Variants in LNPK observed in about 807,000 individuals in gnomAD.
LNPK encodes lunapark, ER junction formation factor.
Under a neutral mutation model 55.2 loss-of-function variants are expected in LNPK, and 29 were observed. That is an observed-to-expected ratio of 0.53 (90% CI 0.39 to 0.72). The LOEUF (loss-of-function observed/expected upper bound fraction) is 0.72, where lower values mean the gene tolerates loss of function less well. LNPK is among the 30% of genes least tolerant of loss of function. The pLI is 0.00. For missense variants in LNPK, 467 were observed against 494.8 expected (o/e 0.94, Z 0.53); for synonymous variants, 162 against 168.2 (o/e 0.96, Z 0.29).
Position 175,929,870 on chromosome 2 carries a change from C to A in LNPK, c.*97G>T, listed in dbSNP as rs765784257. On this transcript the variant is annotated 3_prime_UTR_variant, in exon 13 of 13. Transcript: ENST00000272748. ...TGAATTCAAATGATACACAAGCATA[C>A]CCTTAGAGGGGCAAAAAAAGTAAGT... 106 of 1,545,580 alleles carry A rather than the reference C, an allele frequency of 6.9e-5. No homozygotes were observed. The highest frequency in any genetic ancestry group is 9.6e-5 in the Admixed American group (5 of 51,978).
intron 8 of LNPK, among the ~76,000 whole-genome samples, chr2:175,957,737 G>A (rs931269759): frequency 1.3e-5 from 2 of 152,216 alleles, no homozygotes; most frequent in Non-Finnish European, 1.5e-5. Flanking sequence ...CAGACGATGA[G>A]CTGAAGCAGG....
upstream of LNPK, chr2:176,002,273 G>A (rs1372453337): frequency 2.0e-5 from 9 of 446,276 alleles, 1 homozygote; most frequent in South Asian, 6.3e-5. Flanking sequence ...GAGACAAGCC[G>A]GGCCAACTCC....
chr2:175,945,328 G>A (rs1013317277), intron 9 of LNPK, among the ~76,000 whole-genome samples: 14 of 150,350 alleles, frequency 9.3e-5, no homozygotes, highest in South Asian at 4.2e-4. Context: ...TGGCCAATAC[G>A]GCGAAACTCC....
At chr2:175,968,848 G>A (rs1171490352) in intron 6 of LNPK, among the ~76,000 whole-genome samples, 7 of 151,796 alleles carry the variant, frequency 4.6e-5, no homozygotes, top group East Asian at 1.9e-4. Context: ...GTGAAGCCCC[G>A]CCTCTACTAA....
Position 175,924,676 on chromosome 2 carries a change from G to GA in LNPK, c.*5290dup, listed in dbSNP as rs201054019. 640 of 115,806 alleles carry GA rather than the reference G, an allele frequency of 5.5e-3. 4 individuals are homozygous for GA. The highest frequency in any genetic ancestry group is 0.013 in the African/African-American group (404 of 30,276). 7.2% of individuals were successfully genotyped at this position (115,806 alleles called of 1,614,324 possible). A position where few individuals can be genotyped will look rare whatever the true frequency, so the allele number is the denominator to read the frequency against. ...AATACCTGAGGCTGGGTAATTTACTGAAAAAAAAACAAAACAAACAAAAAA... is the reference window on the plus strand; with the variant it reads ...AATACCTGAGGCTGGGTAATTTACTGAAAAAAAAAACAAAACAAACAAAAAA... On this transcript the variant is annotated 3_prime_UTR_variant, in exon 13 of 13. Coordinates refer to ENST00000272748, the MANE Select transcript of LNPK (RefSeq NM_030650.3).
rs140824548 is a variant in LNPK, at chr2:175,948,517, T to C, written c.494-825A>G. Among the ~76,000 whole-genome samples, 776 of 152,330 alleles carry C rather than the reference T, an allele frequency of 5.1e-3. 6 individuals carry two copies. The highest frequency in any genetic ancestry group is 0.018 in the African/African-American group (728 of 41,570). ...TATCTGGCTCTTTACAAAAAAAGTTTCATGACTTGTACTCAGTAACATAAA... is the reference window on the plus strand; with the variant it reads ...TATCTGGCTCTTTACAAAAAAAGTTCCATGACTTGTACTCAGTAACATAAA... On this transcript the variant is annotated intron_variant, in intron 8 of 12. Transcript: ENST00000272748.
In LNPK at chr2:175,929,532, T is replaced by C; in HGVS notation, c.*435A>G. 4 of 993,628 alleles carry C rather than the reference T, an allele frequency of 4.0e-6. No homozygotes were observed. Among genetic ancestry groups the C allele is most frequent in the Non-Finnish European group, 4.8e-6 (4 of 834,842 alleles). 61.6% of individuals were successfully genotyped at this position (993,628 alleles called of 1,614,324 possible). ...TTGTAAATATCTCAGGAGCTAAAAT[T>C]CTATCAATTTTTAATAATGAAGTAG... On this transcript the variant is annotated 3_prime_UTR_variant, in exon 13 of 13. Coordinates refer to ENST00000272748, the MANE Select transcript of LNPK (RefSeq NM_030650.3).
chr2:175,984,863 A>G (rs1286131623), intron 4 of LNPK, among the ~76,000 whole-genome samples: 2 of 152,256 alleles, frequency 1.3e-5, no homozygotes, highest in Non-Finnish European at 2.9e-5. Flanking sequence ...ACTCTTGGGC[A>G]TACACCCCAG....
intron 4 of LNPK, 37 bp from the exon 5 acceptor site, chr2:175,979,905 A>G (rs1158705590): frequency 2.0e-6 from 3 of 1,529,560 alleles, no homozygotes; most frequent in Middle Eastern, 1.8e-4. Context: ...AAAAAACATC[A>G]TTAGAAAAAG....
chr2:175,946,534 A>T (rs1264302582), intron 9 of LNPK, among the ~76,000 whole-genome samples: 1 of 152,130 alleles, frequency 6.6e-6, no homozygotes, highest in Non-Finnish European at 1.5e-5. Context: ...GAGTTTTTTT[A>T]GTCTTCTAAA....
intron 4 of LNPK, among the ~76,000 whole-genome samples, chr2:175,991,186 G>T (rs1453424157): frequency 6.6e-6 from 1 of 151,916 alleles, no homozygotes; most frequent in Non-Finnish European, 1.5e-5. Context: ...GTGCATTTTT[G>T]AGTATTTAAA....
At chr2:175,946,730 G>T (rs1406242930) in intron 9 of LNPK, among the ~76,000 whole-genome samples, 1 of 151,934 alleles carries the variant, frequency 6.6e-6, no homozygotes, top group East Asian at 1.9e-4. Flanking sequence ...ATCTACATTA[G>T]AATAATCTAA....
chr2:175,952,961 C>T (rs1685496413), intron 8 of LNPK, among the ~76,000 whole-genome samples: 1 of 152,088 alleles, frequency 6.6e-6, no homozygotes, highest in Non-Finnish European at 1.5e-5. Flanking sequence ...GGGGTAACTC[C>T]TATCCCCAGT....
intron 5 of LNPK, among the ~76,000 whole-genome samples, chr2:175,979,013 A>C (rs1344221873): frequency 6.6e-6 from 1 of 152,182 alleles, no homozygotes; most frequent in Non-Finnish European, 1.5e-5. Flanking sequence ...TCCTTAGTCA[A>C]ACAAATAAAA....
chr2:175,948,561 C>G (rs1399472675), intron 8 of LNPK, among the ~76,000 whole-genome samples: 1 of 152,176 alleles, frequency 6.6e-6, no homozygotes, highest in African/African-American at 2.4e-5. Context: ...CTATTATTCT[C>G]TATTCCCACC....
intron 5 of LNPK, among the ~76,000 whole-genome samples, chr2:175,974,730 A>G (rs1374813859): frequency 6.6e-6 from 1 of 152,184 alleles, no homozygotes; most frequent in Non-Finnish European, 1.5e-5. Context: ...AATCGAGAAT[A>G]AAAAACAAGG....
rs955882088 is a variant in LNPK at position 175,927,783 on chromosome 2, A to G, written c.*2184T>C. ...AAGTTTCAACCATTAACTGTTTATT[A>G]TAATAATAATGAAAATAAGCTTTTG... is the stretch of plus-strand genomic sequence containing the variant. On this transcript the variant is annotated 3_prime_UTR_variant, in exon 13 of 13. Coordinates refer to ENST00000272748, the MANE Select transcript of LNPK (RefSeq NM_030650.3). The G allele has an allele frequency of 6.0e-5, 9 of 150,424 alleles. No homozygotes were observed. Among genetic ancestry groups the G allele is most frequent in the African/African-American group, 2.2e-4 (9 of 40,710 alleles). 9.3% of individuals were successfully genotyped at this position (150,424 alleles called of 1,614,324 possible).
chr2:175,929,525 C>A lies in LNPK; in HGVS notation c.*442G>T. The A allele has an allele frequency of 1.0e-6, 1 of 993,022 alleles. No homozygotes were observed. Among genetic ancestry groups the A allele is most frequent in the Non-Finnish European group, 1.2e-6 (1 of 834,484 alleles). 61.5% of individuals were successfully genotyped at this position (993,022 alleles called of 1,614,324 possible). On this transcript the variant is annotated 3_prime_UTR_variant, in exon 13 of 13. Transcript: ENST00000272748. ...CTCCCAGTTGTAAATATCTCAGGAG[C>A]TAAAATTCTATCAATTTTTAATAAT...
At chr2:175,954,059 T>C (rs1352993887) in intron 8 of LNPK, among the ~76,000 whole-genome samples, 1 of 152,148 alleles carries the variant, frequency 6.6e-6, no homozygotes, top group Non-Finnish European at 1.5e-5. Flanking sequence ...ACTTTTTCAA[T>C]CCTATTCTCA....
Sources: allele counts gnomAD v4.1 joint callset (sites outside exome capture counted in the v4.1 genomes callset), GRCh38; gene constraint gnomAD v4.1.1; transcripts MANE v1.5; gene names NCBI Gene and HGNC (gene_info 2026-07-23, HGNC 2026-07-21).